The following DSCAM variants were observed in gnomAD, a reference collection of about 807,000 sequenced individuals.
The protein encoded by DSCAM is DS cell adhesion molecule.
DSCAM carries 47 observed loss-of-function variants against 217.7 expected under a neutral mutation model. The ratio of observed to expected loss-of-function variants is 0.22; its 90% confidence interval spans 0.17 to 0.28. DSCAM has a LOEUF of 0.28. Ranked by LOEUF, DSCAM falls within the 10% of genes least tolerant of loss-of-function variation. The pLI is 1.00. For synonymous variants in DSCAM, 1,056 were observed against 1,015.3 expected, an observed-to-expected ratio of 1.04 and a Z score of -0.76; for missense variants, 2,080 against 2,618.3, an observed-to-expected ratio of 0.79 and a Z score of 4.49.
intron 3 of DSCAM, among the ~76,000 whole-genome samples, chr21:40,592,365 T>A (rs772784506): frequency 6.6e-6 from 1 of 152,214 alleles, no homozygotes; most frequent in Non-Finnish European, 1.5e-5. Context: ...TTGTATGTCT[T>A]ATTTTTAATA....
At chr21:40,140,517 A>T (rs953821293) in intron 18 of DSCAM, among the ~76,000 whole-genome samples, 2 of 152,206 alleles carry the variant, frequency 1.3e-5, no homozygotes, top group Non-Finnish European at 2.9e-5. Context: ...AATATTTCCA[A>T]TAAGAACAGA....
intron 11 of DSCAM, among the ~76,000 whole-genome samples, chr21:40,192,253 C>T (rs1209503558): frequency 6.6e-6 from 1 of 152,074 alleles, no homozygotes; most frequent in Non-Finnish European, 1.5e-5. Context: ...TATGGTTTGG[C>T]TGTGTCCCCA....
chr21:40,096,175 C>T (rs149858023), intron 20 of DSCAM, among the ~76,000 whole-genome samples: 1 of 152,260 alleles, frequency 6.6e-6, no homozygotes, highest in African/African-American at 2.4e-5. Context: ...AAGAATGTAA[C>T]CATTTGTCTC....
intron 3 of DSCAM, among the ~76,000 whole-genome samples, chr21:40,626,442 T>C (rs1254937609): frequency 6.6e-6 from 1 of 152,202 alleles, no homozygotes; most frequent in African/African-American, 2.4e-5. Flanking sequence ...TGTGATCTTC[T>C]TCACCCACCC....
At chr21:40,836,067 C>T (rs1004585008) in intron 1 of DSCAM, among the ~76,000 whole-genome samples, 4 of 152,164 alleles carry the variant, frequency 2.6e-5, no homozygotes, top group East Asian at 3.9e-4. Context: ...CATCCCAAGG[C>T]GGCATCAAAG....
chr21:40,448,584 C>G (rs1033262524), intron 3 of DSCAM, among the ~76,000 whole-genome samples: 1 of 151,984 alleles, frequency 6.6e-6, no homozygotes, highest in African/African-American at 2.4e-5. Flanking sequence ...AATAATCAAT[C>G]TATTTATCTA....
intron 3 of DSCAM, among the ~76,000 whole-genome samples, chr21:40,692,179 C>A (rs1016193493): frequency 6.6e-6 from 1 of 152,224 alleles, no homozygotes; most frequent in African/African-American, 2.4e-5. Context: ...CGCGGACAGT[C>A]GCCTTTCCAG....
intron 5 of DSCAM, among the ~76,000 whole-genome samples, chr21:40,352,679 A>C (rs1007157553): frequency 1.3e-5 from 2 of 152,208 alleles, no homozygotes; most frequent in Non-Finnish European, 2.9e-5. Flanking sequence ...ATTTTCAAAA[A>C]AGGAGCATTA....
At chr21:40,041,941 A>G (rs774138501) in intron 32 of DSCAM, among the ~76,000 whole-genome samples, 6 of 152,192 alleles carry the variant, frequency 3.9e-5, no homozygotes, top group Non-Finnish European at 5.9e-5. Context: ...TATGACAGAA[A>G]TGATAGCTGT....
At chr21:40,019,034 TAC>T (rs2088215787) in intron 32 of DSCAM, among the ~76,000 whole-genome samples, 1 of 152,214 alleles carries the variant, frequency 6.6e-6, no homozygotes, top group African/African-American at 2.4e-5. Context: ...TTAATGCACT[TAC>T]AGAGAAGAGA....
Position 40,416,774 on chromosome 21 carries a change from C to T in DSCAM, c.509-47529G>A, listed in dbSNP as rs191010658. Among the ~76,000 whole-genome samples the T allele has an allele frequency of 3.9e-3, 597 of 152,218 alleles. 2 individuals carry two copies. Among genetic ancestry groups the T allele is most frequent in the Non-Finnish European group, 7.0e-3 (475 of 68,012 alleles). On this transcript the variant is annotated intron_variant, in intron 3 of 32. Coordinates refer to ENST00000400454, the MANE Select transcript of DSCAM (RefSeq NM_001389.5). The stretch of plus-strand genomic sequence containing the variant: ...TGTCTAGGAGAGGTATTATACTACT[C>T]TCTAGTGGTTGGATTATAGAGCAAG...
chr21:40,566,851 G>T (rs1488269997), intron 3 of DSCAM, among the ~76,000 whole-genome samples: 1 of 152,110 alleles, frequency 6.6e-6, no homozygotes, highest in African/African-American at 2.4e-5. Context: ...CAAATGCTGA[G>T]CATCATACTT....
chr21:40,751,525 GA>G (rs2091228652), intron 1 of DSCAM, among the ~76,000 whole-genome samples: 1 of 152,176 alleles, frequency 6.6e-6, no homozygotes, highest in Non-Finnish European at 1.5e-5. Flanking sequence ...ATAATGTGGA[GA>G]ACAAAGCTAG....
chr21:40,428,505 G>A (rs2075498494), intron 3 of DSCAM, among the ~76,000 whole-genome samples: 1 of 152,042 alleles, frequency 6.6e-6, no homozygotes, highest in Middle Eastern at 3.4e-3. Context: ...CCCAACCTCA[G>A]GTAATCCACC....
rs189688470 is a variant in DSCAM at position 40,016,185 on chromosome 21, G to A, written c.5687-2799C>T. Among the ~76,000 whole-genome samples the A allele has an allele frequency of 6.4e-4, 98 of 152,314 alleles. No individual in the cohort carries two copies. In the East Asian group the frequency reaches 0.013, roughly 20 times the overall value. ...TGATGGTCTGAGCTCAGGAGCAGCT[G>A]TGGGATGTGAGAGAGGGAATTAAAT... On this transcript the variant is annotated intron_variant, in intron 32 of 32. Transcript: ENST00000400454. The surrounding 1 kb of genome is among the most constrained non-coding windows in gnomAD (Gnocchi z 4.3).
At chr21:40,780,769 C>T (rs964957415) in intron 1 of DSCAM, among the ~76,000 whole-genome samples, 2 of 151,914 alleles carry the variant, frequency 1.3e-5, no homozygotes, top group South Asian at 2.1e-4. Context: ...TTCGCTGACA[C>T]CTTGGTCTCA....
chr21:40,342,626 G>GTGTGTGTATATATATATA (rs1491362590), intron 6 of DSCAM, among the ~76,000 whole-genome samples: 11 of 94,700 alleles, frequency 1.2e-4, no homozygotes, highest in African/African-American at 5.5e-4. Flanking sequence ...GTGTGTGTGT[G>GTGTGTGTATATATATATA]TATATATATA....
intron 11 of DSCAM, among the ~76,000 whole-genome samples, chr21:40,266,643 A>ATATATATATATATATATATATT (rs2073533813): frequency 1.8e-5 from 2 of 113,060 alleles, no homozygotes; most frequent in African/African-American, 4.3e-5. Context: ...TTTTATATAT[A>ATATATATATATATATATATATT]TATATATATA....
intron 1 of DSCAM, among the ~76,000 whole-genome samples, chr21:40,837,801 A>C (rs1276617310): frequency 6.6e-6 from 1 of 152,224 alleles, no homozygotes; most frequent in East Asian, 1.9e-4. Flanking sequence ...GGTAGAGGCC[A>C]TTGTTGTCAT....
Sources: allele counts gnomAD v4.1 joint callset (sites outside exome capture counted in the v4.1 genomes callset), GRCh38; gene constraint gnomAD v4.1.1; non-coding constraint Gnocchi (gnomAD v3.1); transcripts MANE v1.5; gene names NCBI Gene and HGNC (gene_info 2026-07-23, HGNC 2026-07-21).